CSMD1: variants seen among roughly 807,000 people sequenced by gnomAD.
CSMD1 encodes the protein CUB and sushi domain-containing protein 1.
In CSMD1, 213 loss-of-function variants were observed where a neutral mutation model predicts 417.5. That is an observed-to-expected ratio of 0.51 (90% CI 0.46 to 0.57). CSMD1 has a LOEUF of 0.57. Ranked by LOEUF, CSMD1 falls within the 20% of genes least tolerant of loss-of-function variation. The pLI is 0.00. For missense variants in CSMD1, 6,923 were observed against 4,529.7 expected, an observed-to-expected ratio of 1.53 and a Z score of -15.17; for synonymous variants, 2,862 against 1,736.8, an observed-to-expected ratio of 1.65 and a Z score of -16.11.
intron 26 of CSMD1, among the ~76,000 whole-genome samples, chr8:3,236,102 TAG>T (rs1372578378): frequency 6.6e-6 from 1 of 151,788 alleles, no homozygotes; most frequent in East Asian, 1.9e-4. Flanking sequence ...GTATTTTTAG[TAG>T]AGACAGGGTT....
rs1208930261 is a variant in CSMD1 at position 4,146,593 on chromosome 8, C to CTTTTTTTTTTTTTTTTTTTTTTTTTTTT, written c.416-114495_416-114494insAAAAAAAAAAAAAAAAAAAAAAAAAAAA. ...ATCTGTCTAAATGTTTATATGGACA[C>CTTTTTTTTTTTTTTTTTTTTTTTTTTTT]ATTTTTTTTTTTTTTTTTTTTTTTT... On this transcript the variant is annotated intron_variant, in intron 3 of 69. Transcript: ENST00000635120. Among the ~76,000 whole-genome samples, 3 of 90,742 alleles carry CTTTTTTTTTTTTTTTTTTTTTTTTTTTT rather than the reference C, an allele frequency of 3.3e-5. 1 individual carries two copies. The highest frequency in any genetic ancestry group is 3.9e-5 in the Non-Finnish European group (2 of 51,304). The allele number at this position is 90,742 out of a possible 152,430, so 59.5% of individuals were successfully genotyped here.
chr8:4,327,598 C>T (rs555796040), intron 3 of CSMD1, among the ~76,000 whole-genome samples: 2 of 152,100 alleles, frequency 1.3e-5, no homozygotes, highest in Middle Eastern at 3.4e-3. Flanking sequence ...AAAGATGTTA[C>T]CAAGTCAGAA....
intron 5 of CSMD1, among the ~76,000 whole-genome samples, chr8:3,878,147 G>T (rs954323802): frequency 6.6e-6 from 1 of 151,808 alleles, no homozygotes; most frequent in Non-Finnish European, 1.5e-5. Flanking sequence ...TTTTGTCTTT[G>T]TACATTTTTT....
intron 6 of CSMD1, among the ~76,000 whole-genome samples, chr8:3,729,370 G>A (rs775990969): frequency 2.0e-5 from 3 of 152,242 alleles, no homozygotes; most frequent in Admixed American, 6.5e-5. Flanking sequence ...CCACTCACTC[G>A]CCTTGGGCTC....
At chr8:3,621,613 G>A (rs1055100394) in intron 7 of CSMD1, among the ~76,000 whole-genome samples, 18 of 151,686 alleles carry the variant, frequency 1.2e-4, no homozygotes, top group Non-Finnish European at 4.4e-5. Flanking sequence ...CTTTTTTTGA[G>A]ACAGAATCTT....
At chr8:3,099,081 T>C (rs983502103) in intron 46 of CSMD1, among the ~76,000 whole-genome samples, 1 of 151,728 alleles carries the variant, frequency 6.6e-6, no homozygotes, top group Non-Finnish European at 1.5e-5. Flanking sequence ...GCAACTCTTC[T>C]CCGTGCCGTT....
At chr8:3,676,395 C>A (rs1257653328) in intron 7 of CSMD1, among the ~76,000 whole-genome samples, 2 of 152,132 alleles carry the variant, frequency 1.3e-5, no homozygotes, top group East Asian at 1.9e-4. Flanking sequence ...ACTTATATAC[C>A]AAGCACCATG....
At chr8:4,454,886 T>C (rs535803440) in intron 2 of CSMD1, among the ~76,000 whole-genome samples, 2 of 152,278 alleles carry the variant, frequency 1.3e-5, no homozygotes, top group South Asian at 4.1e-4. Flanking sequence ...TGGCGTCCTG[T>C]GATACACCTA....
intron 3 of CSMD1, among the ~76,000 whole-genome samples, chr8:4,126,572 T>A (rs1802778435): frequency 6.6e-6 from 1 of 152,164 alleles, no homozygotes; most frequent in East Asian, 1.9e-4. Context: ...GGATGGAGAC[T>A]GGGGACGGGC....
intron 7 of CSMD1, among the ~76,000 whole-genome samples, chr8:3,652,769 CT>C (rs1287823443): frequency 6.6e-6 from 1 of 152,130 alleles, no homozygotes; most frequent in African/African-American, 2.4e-5. Context: ...TGAGATTTGG[CT>C]GGGAAAACAG....
intron 2 of CSMD1, among the ~76,000 whole-genome samples, chr8:4,613,004 G>T (rs1801268191): frequency 6.6e-6 from 1 of 152,098 alleles, no homozygotes; most frequent in African/African-American, 2.4e-5. Context: ...CATAACATTA[G>T]ATTCCCAGGA....
chr8:3,534,184 A>C (rs1188120939), intron 10 of CSMD1, among the ~76,000 whole-genome samples: 1 of 152,194 alleles, frequency 6.6e-6, no homozygotes, highest in Non-Finnish European at 1.5e-5. Context: ...TTGGTGTTTC[A>C]TCACTTACTC....
At chr8:3,433,358 A>G (rs1183228970) in intron 12 of CSMD1, among the ~76,000 whole-genome samples, 5 of 152,316 alleles carry the variant, frequency 3.3e-5, no homozygotes, top group African/African-American at 4.8e-5. Flanking sequence ...AATATTTTCA[A>G]TGAGAATCCC....
chr8:4,601,463 G>A (rs1191418178), intron 2 of CSMD1, among the ~76,000 whole-genome samples: 2 of 152,142 alleles, frequency 1.3e-5, no homozygotes, highest in Non-Finnish European at 2.9e-5. Context: ...GTTCCTGAAT[G>A]TTAAGTTGGT....
At position 3,746,131 on chromosome 8, in the gene CSMD1, T is replaced by C. The variant is rs2623720; in HGVS notation, c.931+7799A>G. ...GATTTGGCCAACGATATTGCCTGCA[T>C]GAGACAGAGAACATGAAGAATAAGA... On this transcript the variant is annotated intron_variant, in intron 6 of 69. Transcript: ENST00000635120. Among the ~76,000 whole-genome samples, 641 of 152,334 alleles carry C rather than the reference T, an allele frequency of 4.2e-3. 20 individuals carry two copies. In the East Asian group the frequency reaches 0.079, roughly 19 times the overall value.
intron 26 of CSMD1, among the ~76,000 whole-genome samples, chr8:3,239,290 G>A (rs1452718672): frequency 6.6e-6 from 1 of 152,172 alleles, no homozygotes. Context: ...AGGCCGGTCT[G>A]CTATTGGACT....
intron 1 of CSMD1, among the ~76,000 whole-genome samples, chr8:4,649,672 G>A (rs1398236659): frequency 3.3e-5 from 5 of 152,206 alleles, no homozygotes; most frequent in Admixed American, 6.5e-5. Context: ...AAGAAGCCAT[G>A]AAACTACATT....
At chr8:4,349,279 T>G (rs1800951181) in intron 3 of CSMD1, among the ~76,000 whole-genome samples, 1 of 152,154 alleles carries the variant, frequency 6.6e-6, no homozygotes. Context: ...CAAAAACAAT[T>G]TTTGCAGCAG....
chr8:4,319,485 A>T (rs1184051428), intron 3 of CSMD1, among the ~76,000 whole-genome samples: 1 of 152,174 alleles, frequency 6.6e-6, no homozygotes, highest in Non-Finnish European at 1.5e-5. Context: ...TTGCTAGGAT[A>T]GCAGGGACCA....
Sources: gnomAD v4.1 joint callset for allele counts (sites outside exome capture counted in the v4.1 genomes callset) on GRCh38, gnomAD v4.1.1 for gene constraint, MANE v1.5 for transcripts, NCBI Gene and HGNC (gene_info 2026-07-23, HGNC 2026-07-21) for gene names.